The following NUDT13 variants were observed in gnomAD, a reference collection of about 807,000 sequenced individuals.
NUDT13 encodes nudix hydrolase 13, also known as NAD(P)H pyrophosphatase NUDT13, mitochondrial.
In NUDT13, 40 loss-of-function variants were observed where a neutral mutation model predicts 41.7. That is an observed-to-expected ratio of 0.96 (90% CI 0.75 to 1.25). The LOEUF (loss-of-function observed/expected upper bound fraction) is 1.25, where lower values mean the gene tolerates loss of function less well. NUDT13 is among the 50% of genes most tolerant of loss of function. The pLI, the probability that NUDT13 is intolerant of heterozygous loss-of-function variation, is 0.00. For missense variants in NUDT13, 390 were observed against 416.1 expected, an observed-to-expected ratio of 0.94 and a Z score of 0.55; for synonymous variants, 145 against 155.5, an observed-to-expected ratio of 0.93 and a Z score of 0.50.
At chr10:73,118,272 C>G (rs957279006) in intron 2 of NUDT13, among the ~76,000 whole-genome samples, 1 of 152,176 alleles carries the variant, frequency 6.6e-6, no homozygotes, top group Non-Finnish European at 1.5e-5. Flanking sequence ...AAGAGCTCAT[C>G]GTAACCCCTT....
At chr10:73,130,473 A>ATAT (rs1554848251) in intron 8 of NUDT13, 6 of 157,728 alleles carry the variant, frequency 3.8e-5, no homozygotes, top group African/African-American at 1.0e-4. Context: ...AAAAAAAAAA[A>ATAT]ATATATATAT....
intron 8 of NUDT13, 112 bp from the exon 9 acceptor site, chr10:73,130,591 G>A (rs1842896538): frequency 2.3e-6 from 2 of 859,464 alleles, no homozygotes; most frequent in African/African-American, 1.7e-5. Flanking sequence ...AAGATCCCAG[G>A]TATTATCTTC....
At chr10:73,110,942 A>G (rs1169757166) in intron 1 of NUDT13, among the ~76,000 whole-genome samples, 1 of 152,066 alleles carries the variant, frequency 6.6e-6, no homozygotes, top group Non-Finnish European at 1.5e-5. Context: ...TCAGTTTTCC[A>G]TATTTCCCTG....
At chr10:73,124,951 CAGTT>C (rs1842734350) in intron 5 of NUDT13, 163 bp from the exon 6 acceptor site, 1 of 597,666 alleles carries the variant, frequency 1.7e-6, no homozygotes, top group Non-Finnish European at 2.7e-6. Flanking sequence ...GGAATATGTT[CAGTT>C]AGTTTACTTG....
intron 3 of NUDT13, 83 bp from the exon 4 acceptor site, chr10:73,122,092 T>A (rs1276943574): frequency 6.8e-7 from 1 of 1,463,990 alleles, no homozygotes; most frequent in Non-Finnish European, 9.2e-7. Flanking sequence ...AGTAGATGAT[T>A]TTCTGTGAGT....
At position 73,130,832 on chromosome 10, in the gene NUDT13, A is replaced by C. The variant is rs201222117; in HGVS notation, c.988A>C (p.Lys330Gln). The change falls in exon 9 of 9, where the codon AAG (lysine) becomes CAG (glutamine). Residue 330 changes from lysine (K) to glutamine (Q), a missense_variant. Coordinates refer to ENST00000357321, the MANE Select transcript of NUDT13 (RefSeq NM_015901.6). ...GACTTTCCCATTCTGGCTGCCCCCTAAGTTAGCCATCTCCCACCAACTGAT... is the reference window on the plus strand; with the variant it reads ...GACTTTCCCATTCTGGCTGCCCCCTCAGTTAGCCATCTCCCACCAACTGAT... ...NGTFPFWLPP[K>Q]LAISHQLIKE... 6.2e-7 allele frequency: 1 copy of C among 1,613,370 alleles called. No homozygotes were observed. Among genetic ancestry groups the C allele is most frequent in the East Asian group, 2.2e-5 (1 of 44,872 alleles).
intron 2 of NUDT13, among the ~76,000 whole-genome samples, chr10:73,116,616 C>T (rs1345043007): frequency 4.0e-5 from 6 of 151,874 alleles, no homozygotes; most frequent in Non-Finnish European, 7.4e-5. Context: ...GTGGCGTGCA[C>T]CTGTAGTCAC....
intron 2 of NUDT13, chr10:73,119,646 A>G (rs1015131065): frequency 1.1e-5 from 2 of 186,418 alleles, no homozygotes; most frequent in African/African-American, 4.7e-5. Context: ...AATATTTATT[A>G]CCCTTGAAGT....
At position 73,130,719 on chromosome 10, in the gene NUDT13, G is replaced by A. The variant is rs748994291; in HGVS notation, c.875G>A (p.Arg292Lys). The change falls in exon 9 of 9, where the codon AGA becomes AAA. Residue 292 changes from arginine to lysine, a missense_variant. By Grantham distance (26) the Arg-to-Lys change is conservative. Transcript: ENST00000357321. ...PGQTEIQVNL[R>K]ELETAAWFSH... ...GTCTTTCAGATCCAGGTGAACTTGA[G>A]AGAATTAGAGACAGCTGCCTGGTTC... 2 of 1,613,676 alleles carry A rather than the reference G, an allele frequency of 1.2e-6. No individual in the cohort carries two copies. The highest frequency in any genetic ancestry group is 1.7e-6 in the Non-Finnish European group (2 of 1,179,808).
At chr10:73,128,353 G>T (rs1358760114) in intron 8 of NUDT13, among the ~76,000 whole-genome samples, 2 of 152,028 alleles carry the variant, frequency 1.3e-5, no homozygotes, top group African/African-American at 4.8e-5. Flanking sequence ...GTGTACATGG[G>T]TTCCCTTTTC....
intron 1 of NUDT13, among the ~76,000 whole-genome samples, chr10:73,113,218 C>A (rs1842413067): frequency 6.6e-6 from 1 of 152,174 alleles, no homozygotes; most frequent in African/African-American, 2.4e-5. Context: ...CGTATTAATC[C>A]ATTTTATCAT....
At chr10:73,123,280 GAAT>G (rs1377075323) in intron 4 of NUDT13, among the ~76,000 whole-genome samples, 1 of 152,152 alleles carries the variant, frequency 6.6e-6, no homozygotes, top group Admixed American at 6.5e-5. Context: ...GAATACAGGT[GAAT>G]AAAAATGTTT....
intron 1 of NUDT13, among the ~76,000 whole-genome samples, chr10:73,111,095 T>G (rs11000522): frequency 0.16 from 23,842 of 151,722 alleles, 3,087 homozygotes; most frequent in African/African-American, 0.33. Context: ...TCCTGCCTCA[T>G]ACTCCCTAGT....
At chr10:73,120,828 C>T (rs1842628348) in intron 3 of NUDT13, among the ~76,000 whole-genome samples, 1 of 151,720 alleles carries the variant, frequency 6.6e-6, no homozygotes, top group Non-Finnish European at 1.5e-5. Context: ...GTCCCAGCTA[C>T]TCGGGAGGCT....
chr10:73,124,785 A>G (rs1317124416), intron 5 of NUDT13: 4 of 220,996 alleles, frequency 1.8e-5, no homozygotes, highest in Admixed American at 1.6e-4. Context: ...AGGGAGAAGA[A>G]CATTTTGGGG....
intron 8 of NUDT13, among the ~76,000 whole-genome samples, chr10:73,129,825 A>T (rs2133235423): frequency 6.6e-6 from 1 of 151,924 alleles, no homozygotes; most frequent in African/African-American, 2.4e-5. Context: ...TAAAAATACA[A>T]AGAAATTAGC....
chr10:73,118,741 C>A (rs1477531861), intron 2 of NUDT13, among the ~76,000 whole-genome samples: 1 of 151,932 alleles, frequency 6.6e-6, no homozygotes, highest in South Asian at 2.1e-4. Context: ...TTTGGGAGGC[C>A]GAGGGCAGAT....
chr10:73,128,162 C>A (rs951956202), intron 8 of NUDT13, among the ~76,000 whole-genome samples: 1 of 152,162 alleles, frequency 6.6e-6, no homozygotes. Flanking sequence ...ACCACATTTT[C>A]TTTATCCATT....
In NUDT13 at chr10:73,131,445, G is replaced by A. The variant is rs1842915923; in HGVS notation, c.*542G>A. 1 of 157,124 alleles carries A rather than the reference G, an allele frequency of 6.4e-6. No homozygotes were observed. The highest frequency in any genetic ancestry group is 1.4e-5 in the Non-Finnish European group (1 of 70,710). 9.7% of individuals were successfully genotyped at this position (157,124 alleles called of 1,614,324 possible). A position where few individuals can be genotyped will look rare whatever the true frequency, so the allele number is the denominator to read the frequency against. ...ACATGAACATGCTAGTTAAATAAAA[G>A]TCACAATTAAGTCATTATGACTCAG... On this transcript the variant is annotated 3_prime_UTR_variant, in exon 9 of 9. Transcript: ENST00000357321.
Sources: gnomAD v4.1 joint callset for allele counts (sites outside exome capture counted in the v4.1 genomes callset) on GRCh38, gnomAD v4.1.1 for gene constraint, MANE v1.5 for transcripts, NCBI Gene and HGNC (gene_info 2026-07-23, HGNC 2026-07-21) for gene names.